Variants in PLEC observed in about 807,000 individuals in gnomAD.
PLEC encodes plectin, also known as hemidesmosomal protein 1.
A neutral mutation model predicts 392.8 loss-of-function variants in PLEC; 216 were observed. The ratio of observed to expected loss-of-function variants is 0.55; its 90% confidence interval spans 0.49 to 0.62. PLEC has a LOEUF of 0.62. Ranked by LOEUF, PLEC falls within the 20% of genes least tolerant of loss-of-function variation. The pLI, the probability that PLEC is intolerant of heterozygous loss-of-function variation, is 0.00. For synonymous variants in PLEC, 3,621 were observed against 2,980.6 expected, an observed-to-expected ratio of 1.21 and a Z score of -7.00; for missense variants, 6,863 against 6,563.4, an observed-to-expected ratio of 1.05 and a Z score of -1.58.
Position 143,918,003 on chromosome 8 carries a change from C to G in PLEC, c.11818G>C (p.Val3940Leu), listed in dbSNP as rs534537112. The change falls in exon 32 of 32, where the codon GTG (valine) becomes CTG (leucine). Residue 3940 changes from valine to leucine, a missense_variant. By Grantham distance (32) the Val-to-Leu change is conservative (BLOSUM62 1). Transcript: ENST00000345136. Reference protein sequence around the residue: ...EGTSCIAGVFVDATKERLSVY... With the variant: ...EGTSCIAGVFLDATKERLSVY... ...GAGAGCCGTTCCTTGGTGGCGTCCA[C>G]GAAGACACCAGCGATGCAGCTGGTG... 1.2e-6 allele frequency: 2 copies of G among 1,612,262 alleles called. No individual in the cohort carries two copies. The highest frequency in any genetic ancestry group is 1.7e-6 in the Non-Finnish European group (2 of 1,179,868).
chr8:143,962,447 T>C (rs7010330), intron 1 of PLEC, among the ~76,000 whole-genome samples: 52,720 of 152,124 alleles, frequency 0.35, 9,528 homozygotes, highest in Middle Eastern at 0.4. Context: ...GGCTCTTCCC[T>C]GTGGGAATCA....
chr8:143,946,321 C>A (rs1253520386), intron 1 of PLEC: 14 of 1,286,640 alleles, frequency 1.1e-5, no homozygotes, highest in Non-Finnish European at 1.4e-5. Context: ...TCCTCTGCCT[C>A]CCACAGCCCC....
At position 143,946,683 on chromosome 8, in the gene PLEC, A is replaced by AC. The variant is rs1234253316; in HGVS notation, c.523+3500dup. The AC allele has an allele frequency of 1.7e-4, 39 of 228,466 alleles. 1 individual carries two copies. The highest frequency in any genetic ancestry group is 1.2e-3 in the South Asian group (33 of 26,946). 14.2% of individuals were successfully genotyped at this position (228,466 alleles called of 1,614,324 possible). ...CTACTGTTCCTGCCCCGCCCAGCAG[A>AC]CCCCCCGCCCAGCAGACCCCACCCT... On this transcript the variant is annotated intron_variant, in intron 1 of 31. Transcript: ENST00000322810.
chr8:143,925,645 G>C lies in PLEC; in HGVS notation c.4284C>G (p.Ser1428Arg), dbSNP rs1564065464. Reference sequence around the variant, plus strand: ...CCTTGGCCTGGATCTCCGCCTCCGAGCTCTGCCGCAGCTGCTGCAGCTCCT... The same window carrying C: ...CCTTGGCCTGGATCTCCGCCTCCGACCTCTGCCGCAGCTGCTGCAGCTCCT... Reference protein sequence around the residue: ...IQEELQQLRQSSEAEIQAKAR... With the variant: ...IQEELQQLRQRSEAEIQAKAR... The change falls in exon 31 of 32, where the codon AGC (serine) becomes AGG (arginine). Residue 1428 changes from serine (S) to arginine (R), a missense_variant. Transcript: ENST00000345136. 5 of 1,584,928 alleles carry C rather than the reference G, an allele frequency of 3.2e-6. No homozygotes were observed. Among genetic ancestry groups the C allele is most frequent in the Non-Finnish European group, 4.3e-6 (5 of 1,173,010 alleles).
chr8:143,953,574 G>C, upstream of PLEC: 2 of 854,298 alleles, frequency 2.3e-6, no homozygotes, highest in Admixed American at 4.0e-5. Context: ...GGAGGGGGAC[G>C]AGTCTGGGGT....
In PLEC at chr8:143,920,910, G is replaced by A. The variant is rs782126948; in HGVS notation, c.8911C>T (p.Arg2971Trp). 9.0e-5 allele frequency: 145 copies of A among 1,612,462 alleles called. No individual in the cohort carries two copies. Among genetic ancestry groups the A allele is most frequent in the South Asian group, 2.3e-4 (21 of 91,084 alleles). ...CTGCGCAGGCCCTCAAAGCAAAGCC[G>A]GCCCTTCTGCTCCTGCTCCTCCACC... Reference protein sequence around the residue: ...TVVEEQEQKGRLCFEGLRSLV... With the variant: ...TVVEEQEQKGWLCFEGLRSLV... Residue 2971 changes from arginine (R) to tryptophan (W), a missense_variant, in exon 32 of 32, where the codon CGG (arginine) becomes TGG (tryptophan). Physicochemically the swap from Arg to Trp is moderately radical, Grantham distance 101 (BLOSUM62 -3). Coordinates refer to ENST00000345136, the MANE Select transcript of PLEC (RefSeq NM_201384.3).
chr8:143,971,164 G>T (rs1554744213), intron 1 of PLEC, among the ~76,000 whole-genome samples: 1 of 152,208 alleles, frequency 6.6e-6, no homozygotes, highest in African/African-American at 2.4e-5. Context: ...GGGGGGTGAA[G>T]GTCACCGGAG....
intron 13 of PLEC, 33 bp downstream of exon 13, chr8:143,933,164 C>T (rs1564135347): frequency 1.2e-6 from 2 of 1,609,910 alleles, no homozygotes; most frequent in South Asian, 2.2e-5. Flanking sequence ...GCCGTGTGTA[C>T]CTGGGCTTCA....
Position 143,923,868 on chromosome 8 carries a change from C to T in PLEC, c.6061G>A (p.Ala2021Thr). The change falls in exon 31 of 32, where the codon GCG becomes ACG. Residue 2021 changes from alanine (A) to threonine (T), a missense_variant. Coordinates refer to ENST00000345136, the MANE Select transcript of PLEC (RefSeq NM_201384.3). ...VERLKAKVEE[A>T]RRLRERAEQE... ...TCCGCTCGCTCCCGCAGGCGCCGCGCCTCCTCCACCTTGGCTTTCAGCCGC... is the reference window on the plus strand; with the variant it reads ...TCCGCTCGCTCCCGCAGGCGCCGCGTCTCCTCCACCTTGGCTTTCAGCCGC... The T allele has an allele frequency of 6.3e-7, 1 of 1,593,562 alleles. No homozygotes were observed. Among genetic ancestry groups the T allele is most frequent in the Non-Finnish European group, 8.5e-7 (1 of 1,177,538 alleles).
chr8:143,921,265 G>A lies in PLEC; in HGVS notation c.8556C>T (p.Gly2852=), dbSNP rs1370820771. 9.9e-6 allele frequency: 16 copies of A among 1,614,042 alleles called. No individual in the cohort carries two copies. Among genetic ancestry groups the A allele is most frequent in the Non-Finnish European group, 1.4e-5 (16 of 1,180,058 alleles). ...VLADPSDDTK[G]FFDPNTHENL... ...TCTCGTGCGTGTTGGGGTCAAAGAA[G>A]CCCTTGGTGTCGTCGCTGGGGTCCG... Residue 2852 remains glycine, a synonymous_variant, in exon 32 of 32, where the codon GGC becomes GGT. Transcript: ENST00000345136.
At chr8:143,944,511 G>C (rs1236064923), upstream of PLEC, 1 of 493,926 alleles carries the variant, frequency 2.0e-6, no homozygotes, top group Non-Finnish European at 3.5e-6. Context: ...AGGGGGTCTG[G>C]GTGAGGGCAC....
chr8:143,958,245 AGCCT>A (rs1554739798), upstream of PLEC, among the ~76,000 whole-genome samples: 2 of 152,104 alleles, frequency 1.3e-5, no homozygotes, highest in Non-Finnish European at 2.9e-5. This position sits in a 1 kb window ranked among gnomAD's most constrained non-coding sequence, Gnocchi z 4.9. Context: ...CGGGCCAGCC[AGCCT>A]GCAGGATTTC....
At chr8:143,944,592 C>A, upstream of PLEC, 1 of 1,127,826 alleles carries the variant, frequency 8.9e-7, no homozygotes, top group Non-Finnish European at 1.2e-6. Flanking sequence ...CCCTCTGGCC[C>A]CTGTCCCCAG....
intron 19 of PLEC, 103 bp from the exon 20 acceptor site, chr8:143,930,639 C>G (rs1554714335): frequency 7.9e-7 from 1 of 1,261,902 alleles, no homozygotes; most frequent in Non-Finnish European, 1.1e-6. Context: ...CCTCCTGATG[C>G]TCCCGGGGTG....
rs781919320 is a variant in PLEC at position 143,916,894 on chromosome 8, C to T, written c.12927G>A (p.Gln4309=). The T allele has an allele frequency of 2.0e-5, 32 of 1,612,498 alleles. No homozygotes were observed. The South Asian group carries it at 3.1e-4, about 15-fold the overall frequency. The change falls in exon 32 of 32, where the codon CAG becomes CAA. Residue 4309 remains glutamine (Q), a synonymous_variant. Transcript: ENST00000345136. ...HRNLVDNITG[Q]RLLEAQACTG... is the part of the protein sequence containing the mutation. The stretch of plus-strand genomic sequence containing the variant: ...TGCAGGCCTGCGCCTCCAGCAGCCG[C>T]TGCCCCGTGATGTTATCCACCAGGT...
At position 143,922,485 on chromosome 8, in the gene PLEC, C is replaced by T; in HGVS notation, c.7425+19G>A. 6.2e-7 allele frequency: 1 copy of T among 1,605,196 alleles called. No homozygotes were observed. Among genetic ancestry groups the T allele is most frequent in the Non-Finnish European group, 8.5e-7 (1 of 1,179,972 alleles). ...GATCCCCGGGCCCACCCGCCCGTCG[C>T]ACGTAGAGGGGGCGGTACCTCCTCA... On this transcript the variant is annotated intron_variant, in intron 31 of 31. Transcript: ENST00000345136.
chr8:143,929,365 GGAGGGATGGGGA>G (rs782369151), intron 24 of PLEC, 37 bp downstream of exon 24: 22 of 1,568,750 alleles, frequency 1.4e-5, no homozygotes, highest in Non-Finnish European at 1.6e-5. Context: ...GAGGGTGGGA[GGAGGGATGGGGA>G]GAGGGATGGG....
intron 1 of PLEC, 134 bp from the exon 2 acceptor site, chr8:143,938,826 C>T (rs1829782121): frequency 1.3e-6 from 1 of 776,118 alleles, no homozygotes; most frequent in Non-Finnish European, 2.2e-6. Context: ...TCAGATCACA[C>T]ACTGAGACCC....
chr8:143,920,070 C>T lies in PLEC; in HGVS notation c.9751G>A (p.Val3251Met). 6.2e-7 allele frequency: 1 copy of T among 1,613,310 alleles called. No individual in the cohort carries two copies. The highest frequency in any genetic ancestry group is 1.1e-5 in the South Asian group (1 of 91,092). ...VPVGGFKGRTVTVWELISSEY... is the reference protein window; with the variant it reads ...VPVGGFKGRTMTVWELISSEY... ...GAGCTGATGAGCTCCCACACCGTCACCGTCCTGCCCTTGAAGCCACCCACG... is the reference window on the plus strand; with the variant it reads ...GAGCTGATGAGCTCCCACACCGTCATCGTCCTGCCCTTGAAGCCACCCACG... Residue 3251 changes from valine (V) to methionine (M), a missense_variant, in exon 32 of 32, where the codon GTG becomes ATG. By Grantham distance (21) the Val-to-Met change is conservative. Transcript: ENST00000345136.
Sources: gnomAD v4.1 joint callset for allele counts (sites outside exome capture counted in the v4.1 genomes callset) on GRCh38, gnomAD v4.1.1 for gene constraint, Gnocchi (gnomAD v3.1) non-coding constraint, MANE v1.5 for transcripts, NCBI Gene and HGNC (gene_info 2026-07-23, HGNC 2026-07-21) for gene names.